The following CHRNB3 variants were observed in gnomAD, a reference collection of about 807,000 sequenced individuals.
CHRNB3 encodes the protein cholinergic receptor nicotinic beta 3 subunit, also known as neuronal acetylcholine receptor subunit beta-3.
A neutral mutation model predicts 40.6 loss-of-function variants in CHRNB3; 37 were observed. The ratio of observed to expected loss-of-function variants is 0.91; its 90% CI spans 0.70 to 1.20. CHRNB3 has a LOEUF of 1.20. Ranked by LOEUF, CHRNB3 falls within the 50% of genes most tolerant of loss-of-function variation. The probability of loss-of-function intolerance (pLI) is 0.00; values close to 1 mark genes in which losing one functional copy is unlikely to be tolerated. For missense variants in CHRNB3, 505 were observed against 551.2 expected, an observed-to-expected ratio of 0.92 and a Z score of 0.84; for synonymous variants, 207 against 207.1, an observed-to-expected ratio of 1.00 and a Z score of 0.00.
chr8:42,735,731 A>G (rs1253886704), intron 5 of CHRNB3, among the ~76,000 whole-genome samples: 1 of 151,592 alleles, frequency 6.6e-6, no homozygotes, highest in African/African-American at 2.4e-5. Context: ...AATAAAGGGG[A>G]CTCAGTTTCT....
intron 1 of CHRNB3, among the ~76,000 whole-genome samples, chr8:42,701,555 AAAG>A (rs1231130477): frequency 1.3e-5 from 2 of 152,164 alleles, no homozygotes; most frequent in African/African-American, 2.4e-5. Context: ...TAAAAAATAA[AAAG>A]AATAAAGAGA....
intron 3 of CHRNB3, among the ~76,000 whole-genome samples, chr8:42,726,562 C>T (rs112305639): frequency 3.3e-5 from 5 of 151,002 alleles, no homozygotes; most frequent in African/African-American, 4.9e-5. Flanking sequence ...TGCAGTGGCG[C>T]GATCTCAGCT....
At chr8:42,717,313 G>T (rs934684650) in intron 3 of CHRNB3, among the ~76,000 whole-genome samples, 6 of 125,140 alleles carry the variant, frequency 4.8e-5, no homozygotes, top group Non-Finnish European at 9.8e-5. Flanking sequence ...GGCGGAGCTT[G>T]CAGTGAGCCG....
chr8:42,705,042 T>G (rs2128904693), intron 1 of CHRNB3, among the ~76,000 whole-genome samples: 1 of 152,242 alleles, frequency 6.6e-6, no homozygotes, highest in Middle Eastern at 3.4e-3. Context: ...TTCATCAGGT[T>G]TTCAAGACAG....
intron 1 of CHRNB3, among the ~76,000 whole-genome samples, chr8:42,698,716 G>C (rs1788931014): frequency 6.6e-6 from 1 of 152,172 alleles, no homozygotes; most frequent in African/African-American, 2.4e-5. Context: ...AAAATGATAA[G>C]AAAATTCTGT....
At chr8:42,711,935 C>A (rs114698221) in intron 3 of CHRNB3, among the ~76,000 whole-genome samples, 1,637 of 152,064 alleles carry the variant, frequency 0.011, 32 homozygotes, top group African/African-American at 0.038. Flanking sequence ...GTTTAGCTCC[C>A]ACTTCTAAGC....
rs868018740 is a variant in CHRNB3, at chr8:42,708,586, T to G, written c.53-131T>G. Reference sequence around the variant, plus strand: ...ACTCTTGCATGCTCCAAGTTGCCTTTCAGGAACTGGGCTGTTTAGAAACAG... The same window carrying G: ...ACTCTTGCATGCTCCAAGTTGCCTTGCAGGAACTGGGCTGTTTAGAAACAG... On this transcript the variant is annotated intron_variant, in intron 1 of 5. Coordinates refer to ENST00000289957, the MANE Select transcript of CHRNB3 (RefSeq NM_000749.5). 8.2e-6 allele frequency: 8 copies of G among 971,840 alleles called. 1 individual carries two copies. The Middle Eastern group carries it at 1.8e-3, about 216-fold the overall frequency. 60.2% of individuals were successfully genotyped at this position (971,840 alleles called of 1,614,324 possible).
At chr8:42,719,429 G>A (rs1161898884) in intron 3 of CHRNB3, among the ~76,000 whole-genome samples, 4 of 152,188 alleles carry the variant, frequency 2.6e-5, no homozygotes, top group African/African-American at 7.2e-5. Flanking sequence ...AGGATCATTT[G>A]AGGCTAGGAG....
chr8:42,728,719 G>A (rs1816350045), intron 3 of CHRNB3, among the ~76,000 whole-genome samples: 1 of 152,028 alleles, frequency 6.6e-6, no homozygotes, highest in Non-Finnish European at 1.5e-5. Flanking sequence ...ATTACAAAAG[G>A]GCAGCACCTG....
intron 1 of CHRNB3, among the ~76,000 whole-genome samples, chr8:42,706,535 G>A (rs1046780598): frequency 1.3e-5 from 2 of 152,042 alleles, no homozygotes; most frequent in East Asian, 1.9e-4. Context: ...AATCAGGGCT[G>A]GGATGTATTC....
intron 3 of CHRNB3, among the ~76,000 whole-genome samples, chr8:42,714,698 T>C (rs922035517): frequency 6.6e-6 from 1 of 152,228 alleles, no homozygotes; most frequent in Non-Finnish European, 1.5e-5. Context: ...GGCACTATGC[T>C]AACTGTGTAA....
At chr8:42,723,644 C>T (rs80122949) in intron 3 of CHRNB3, among the ~76,000 whole-genome samples, 1,656 of 152,246 alleles carry the variant, frequency 0.011, 37 homozygotes, top group African/African-American at 0.038. Context: ...GTGCAGGGCA[C>T]CTCTGGAGTA....
At position 42,736,466 on chromosome 8, in the gene CHRNB3, T is replaced by C; in HGVS notation, c.1243-18T>C. ...TGCTCAGTGTCTTGAGTGAAAGGCA[T>C]CTTTTTCTCTTTTGCAGGTAGTACA... is the stretch of plus-strand genomic sequence containing the variant. On this transcript the variant is annotated intron_variant, in intron 5 of 5. Coordinates refer to ENST00000289957, the MANE Select transcript of CHRNB3 (RefSeq NM_000749.5). The C allele has an allele frequency of 6.2e-7, 1 of 1,613,622 alleles. No individual in the cohort carries two copies. Among genetic ancestry groups the C allele is most frequent in the Non-Finnish European group, 8.5e-7 (1 of 1,179,894 alleles).
chr8:42,703,105 GA>G (rs1815846103), intron 1 of CHRNB3, among the ~76,000 whole-genome samples: 1 of 151,946 alleles, frequency 6.6e-6, no homozygotes, highest in South Asian at 2.1e-4. Context: ...CATTGAGGCT[GA>G]AATTGGGTCC....
chr8:42,723,942 T>C (rs1454921765), intron 3 of CHRNB3, among the ~76,000 whole-genome samples: 1 of 151,476 alleles, frequency 6.6e-6, no homozygotes, highest in African/African-American at 2.4e-5. Context: ...AAAAATTAGC[T>C]GGGCGTGATG....
rs185937533 is a variant in CHRNB3, at chr8:42,724,915, G to A, written c.250-5679G>A. Among the ~76,000 whole-genome samples the A allele has an allele frequency of 8.1e-3, 1,226 of 150,818 alleles. 18 individuals carry two copies. Among genetic ancestry groups the A allele is most frequent in the African/African-American group, 0.028 (1,164 of 40,850 alleles). ...GAGAACTGGCTTGAACCCGGGAGGC[G>A]GAGGTTGCAGTGAGCCAAGACTGTG... On this transcript the variant is annotated intron_variant, in intron 3 of 5. Coordinates refer to ENST00000289957, the MANE Select transcript of CHRNB3 (RefSeq NM_000749.5).
At position 42,714,483 on chromosome 8, in the gene CHRNB3, TCAAAA is replaced by T. The variant is rs576411761; in HGVS notation, c.249+4076_249+4080del. 1.4e-3 allele frequency among the ~76,000 whole-genome samples: 209 copies of T among 151,610 alleles called. 3 individuals are homozygous for T. Among genetic ancestry groups the T allele is most frequent in the Middle Eastern group, 6.8e-3 (2 of 294 alleles). ...CTGGACGACAGAGCAAGACTCTGTC[TCAAAA>T]CAAAACAAAACAAAACAAAACAAAA... is the stretch of plus-strand genomic sequence containing the variant. On this transcript the variant is annotated intron_variant, in intron 3 of 5. Coordinates refer to ENST00000289957, the MANE Select transcript of CHRNB3 (RefSeq NM_000749.5).
At chr8:42,711,662 T>A (rs181700453) in intron 3 of CHRNB3, among the ~76,000 whole-genome samples, 58 of 152,294 alleles carry the variant, frequency 3.8e-4, no homozygotes, top group Non-Finnish European at 1.0e-4. Context: ...CCCAAAGTGC[T>A]GGGATTACAG....
intron 3 of CHRNB3, chr8:42,714,844 C>G (rs959146738): frequency 1.3e-5 from 2 of 152,164 alleles, no homozygotes; most frequent in African/African-American, 4.8e-5. Context: ...GGGAAGTCGA[C>G]TTATGTAGAG....
Sources: allele counts gnomAD v4.1 joint callset (sites outside exome capture counted in the v4.1 genomes callset), GRCh38; gene constraint gnomAD v4.1.1; transcripts MANE v1.5; gene names NCBI Gene and HGNC (gene_info 2026-07-23, HGNC 2026-07-21).